Variants in XRRA1 observed in about 807,000 individuals in gnomAD.
The protein encoded by XRRA1 is X-ray radiation resistance-associated protein 1.
Under a neutral mutation model 80.2 loss-of-function variants are expected in XRRA1, and 69 were observed. That is an observed-to-expected ratio of 0.86 (90% CI 0.71 to 1.05). The LOEUF (loss-of-function observed/expected upper bound fraction) is 1.05, where lower values mean the gene tolerates loss of function less well. Among genes scored for constraint, XRRA1 ranks in the 50% least tolerant of loss-of-function variants. XRRA1 has a pLI of 0.00. For missense variants in XRRA1, 967 were observed against 976.4 expected (o/e 0.99, Z 0.13); for synonymous variants, 348 against 389.9 (o/e 0.89, Z 1.27).
intron 10 of XRRA1, among the ~76,000 whole-genome samples, chr11:74,899,326 T>C (rs2053090235): frequency 6.6e-6 from 1 of 151,818 alleles, no homozygotes; most frequent in Non-Finnish European, 1.5e-5. Flanking sequence ...TTCAAATAAA[T>C]AACCTAATGA....
At chr11:74,891,195 C>T (rs1347545673) in intron 10 of XRRA1, among the ~76,000 whole-genome samples, 2 of 152,196 alleles carry the variant, frequency 1.3e-5, no homozygotes. Context: ...CATCAAAAAG[C>T]TTATCCACCA....
In XRRA1 at chr11:74,843,275, C is replaced by T; in HGVS notation, c.2328G>A (p.Gln776=). The T allele has an allele frequency of 6.3e-7, 1 of 1,584,160 alleles. No homozygotes were observed. Among genetic ancestry groups the T allele is most frequent in the Non-Finnish European group, 8.6e-7 (1 of 1,165,504 alleles). ...ACTCGAGGAAGTGGCCGAACTTGGG[C>T]TGGCTCTCACTCAGCGCTGGGCAGG... ...PMACPALSES[Q]PKFGHFLEFM... is the part of the protein sequence containing the mutation. Residue 776 remains glutamine (Q), a synonymous_variant, in exon 19 of 19, where the codon CAG becomes CAA. Coordinates refer to ENST00000684022, the MANE Select transcript of XRRA1 (RefSeq NM_001378157.1).
chr11:74,886,673 C>G (rs1051669125), intron 10 of XRRA1, among the ~76,000 whole-genome samples: 6 of 152,140 alleles, frequency 3.9e-5, no homozygotes, highest in Non-Finnish European at 5.9e-5. Context: ...CTATTCCTAT[C>G]AAACTACCAA....
At position 74,906,356 on chromosome 11, in the gene XRRA1, C is replaced by T. The variant is rs2054594043; in HGVS notation, c.886G>A (p.Gly296Arg). The T allele has an allele frequency of 6.2e-7, 1 of 1,613,958 alleles. No individual in the cohort carries two copies. Among genetic ancestry groups the T allele is most frequent in the East Asian group, 2.2e-5 (1 of 44,884 alleles). Residue 296 changes from glycine (G) to arginine (R), a missense_variant, in exon 10 of 19, where the codon GGA becomes AGA. Coordinates refer to ENST00000684022, the MANE Select transcript of XRRA1 (RefSeq NM_001378157.1). Reference protein sequence around the residue: ...DESVDWNGGRGSPHKEPQFML... With the variant: ...DESVDWNGGRRSPHKEPQFML... The stretch of plus-strand genomic sequence containing the variant: ...AATTGGGGCTCTTTATGGGGACTTC[C>T]CCTGCCTCCATTCCAGTCTACTGAC...
intron 11 of XRRA1, among the ~76,000 whole-genome samples, chr11:74,861,669 A>T (rs971565936): frequency 6.6e-6 from 1 of 152,066 alleles, no homozygotes; most frequent in Non-Finnish European, 1.5e-5. Context: ...CACCCACCCC[A>T]CCCCAGTCCA....
intron 12 of XRRA1, among the ~76,000 whole-genome samples, chr11:74,857,531 A>G (rs953460658): frequency 1.3e-5 from 2 of 152,230 alleles, no homozygotes; most frequent in African/African-American, 4.8e-5. Flanking sequence ...ACGTCTGGAG[A>G]TTTTAACACA....
At position 74,842,751 on chromosome 11, in the gene XRRA1, A is replaced by G. The variant is rs189845219; in HGVS notation, c.*449T>C. ...ATACAGGATGACACTGTCCCTGCAC[A>G]TTAGGGCTGTACTCACAAGATCTGG... On this transcript the variant is annotated 3_prime_UTR_variant, in exon 19 of 19. Coordinates refer to ENST00000684022, the MANE Select transcript of XRRA1 (RefSeq NM_001378157.1). The G allele has an allele frequency of 6.4e-5, 11 of 171,666 alleles. No individual in the cohort carries two copies. In the East Asian group the frequency reaches 1.7e-3, roughly 27 times the overall value. The allele number at this position is 171,666 out of a possible 1,614,324, so 10.6% of individuals were successfully genotyped here. A position where few individuals can be genotyped will look rare whatever the true frequency, so the allele number is the denominator to read the frequency against.
intron 7 of XRRA1, among the ~76,000 whole-genome samples, chr11:74,924,998 C>T (rs1309524345): frequency 6.6e-6 from 1 of 152,138 alleles, no homozygotes; most frequent in Non-Finnish European, 1.5e-5. Flanking sequence ...AAATATTAGG[C>T]CTGCTGTACA....
intron 10 of XRRA1, among the ~76,000 whole-genome samples, 155 bp downstream of exon 10, chr11:74,906,084 A>G (rs1407165631): frequency 6.6e-6 from 1 of 152,254 alleles, no homozygotes; most frequent in Non-Finnish European, 1.5e-5. Flanking sequence ...ATACACCAAC[A>G]CATCTCCCAA....
At chr11:74,878,520 A>G (rs1462245076) in intron 10 of XRRA1, among the ~76,000 whole-genome samples, 2 of 152,116 alleles carry the variant, frequency 1.3e-5, no homozygotes, top group African/African-American at 2.4e-5. Flanking sequence ...TTGGTGTTTT[A>G]GACATGAAGT....
intron 10 of XRRA1, among the ~76,000 whole-genome samples, chr11:74,889,881 G>A (rs1050543227): frequency 3.9e-5 from 6 of 152,240 alleles, no homozygotes; most frequent in Middle Eastern, 3.4e-3. Context: ...CCCAATACAG[G>A]AGCACCCAGA....
chr11:74,921,177 C>T (rs756890270), intron 8 of XRRA1, 37 bp downstream of exon 8: 2 of 1,606,860 alleles, frequency 1.2e-6, no homozygotes, highest in South Asian at 2.2e-5. Context: ...TATTTGTACA[C>T]AAAAACACAG....
intron 1 of XRRA1, among the ~76,000 whole-genome samples, chr11:74,948,688 G>A (rs1465150279): frequency 6.6e-6 from 1 of 152,168 alleles, no homozygotes; most frequent in Non-Finnish European, 1.5e-5. Flanking sequence ...TGAGAGAGAG[G>A]ATGGCTGGAA....
chr11:74,859,994 G>A (rs1189374089), intron 11 of XRRA1, among the ~76,000 whole-genome samples: 1 of 152,088 alleles, frequency 6.6e-6, no homozygotes, highest in East Asian at 1.9e-4. Flanking sequence ...TCCTGAGTTC[G>A]ATGGGACCAC....
At chr11:74,869,697 A>C (rs955106817) in intron 10 of XRRA1, among the ~76,000 whole-genome samples, 5 of 152,080 alleles carry the variant, frequency 3.3e-5, no homozygotes, top group Non-Finnish European at 7.4e-5. Context: ...ACCTAGTTCT[A>C]ATGAGTTTTT....
chr11:74,847,735 C>T (rs1308714841), intron 15 of XRRA1, among the ~76,000 whole-genome samples: 1 of 152,134 alleles, frequency 6.6e-6, no homozygotes, highest in African/African-American at 2.4e-5. Context: ...CTTAAGGGCA[C>T]GACCTGCATC....
intron 10 of XRRA1, among the ~76,000 whole-genome samples, chr11:74,870,191 A>C (rs1352682141): frequency 6.6e-6 from 1 of 152,200 alleles, no homozygotes; most frequent in African/African-American, 2.4e-5. Flanking sequence ...GGGAGAACTT[A>C]GTGAATCCCT....
chr11:74,905,586 G>T (rs2054410202), intron 10 of XRRA1, among the ~76,000 whole-genome samples: 1 of 152,112 alleles, frequency 6.6e-6, no homozygotes, highest in African/African-American at 2.4e-5. Flanking sequence ...TCCTGTGAAT[G>T]CCACTGGAAT....
chr11:74,937,149 T>C, intron 3 of XRRA1, 81 bp from the exon 4 acceptor site: 1 of 1,416,794 alleles, frequency 7.1e-7, no homozygotes, highest in South Asian at 1.4e-5. Flanking sequence ...TTTATAATAC[T>C]AAAACCAAAA....
Sources: allele counts gnomAD v4.1 joint callset (sites outside exome capture counted in the v4.1 genomes callset), GRCh38; gene constraint gnomAD v4.1.1; transcripts MANE v1.5; gene names NCBI Gene and HGNC (gene_info 2026-07-23, HGNC 2026-07-21).